The following ATG10 variants were observed in gnomAD, a reference collection of about 807,000 sequenced individuals.
ATG10 encodes the protein autophagy related 10, also known as ubiquitin-like-conjugating enzyme ATG10.
In ATG10, 30 loss-of-function variants were observed where a neutral mutation model predicts 32.1. The ratio of observed to expected loss-of-function variants is 0.94; its 90% CI spans 0.70 to 1.27. ATG10 has a LOEUF of 1.27. Ranked by LOEUF, ATG10 falls within the 50% of genes most tolerant of loss-of-function variation. The pLI is 0.00. For missense variants in ATG10, 233 were observed against 262.3 expected, an observed-to-expected ratio of 0.89 and a Z score of 0.77; for synonymous variants, 87 against 91.5, an observed-to-expected ratio of 0.95 and a Z score of 0.28.
chr5:82,052,237 G>A (rs1763452540), intron 2 of ATG10, among the ~76,000 whole-genome samples: 1 of 152,124 alleles, frequency 6.6e-6, no homozygotes, highest in African/African-American at 2.4e-5. Context: ...AGAAGATCTT[G>A]TTAAACTCAG....
chr5:82,170,433 T>G (rs532648155), intron 4 of ATG10, among the ~76,000 whole-genome samples: 6 of 152,246 alleles, frequency 3.9e-5, no homozygotes, highest in Admixed American at 3.9e-4. Context: ...AGTCTATATG[T>G]TAGGTGCTGT....
intron 5 of ATG10, among the ~76,000 whole-genome samples, chr5:82,230,318 T>C (rs969743726): frequency 7.9e-5 from 12 of 152,224 alleles, no homozygotes; most frequent in African/African-American, 2.4e-4. Context: ...GAGGGAAATG[T>C]GATCATACAA....
chr5:82,049,413 G>T (rs1465255192), intron 2 of ATG10, among the ~76,000 whole-genome samples: 4 of 124,088 alleles, frequency 3.2e-5, no homozygotes, highest in Admixed American at 1.7e-4. Context: ...GTGGGGGGAG[G>T]GGGGGAGGGA....
chr5:82,058,577 A>G lies in ATG10; in HGVS notation c.191A>G (p.His64Arg). ...SVMSHLGAST[H>R]GQTCLPMEEA... ...ATGTCACATCTAGGAGCATCTACCC[A>G]TGGACAGACATGTCTTCCCATGGAG... Residue 64 changes from histidine (H) to arginine (R), a missense_variant, in exon 3 of 8, where the codon CAT becomes CGT. Physicochemically the swap from His to Arg is conservative, Grantham distance 29. Coordinates refer to ENST00000282185, the MANE Select transcript of ATG10 (RefSeq NM_031482.5). 3.7e-6 allele frequency: 6 copies of G among 1,611,768 alleles called. 1 individual carries two copies. The South Asian group carries it at 5.5e-5, about 15-fold the overall frequency.
chr5:82,218,045 C>A (rs1227708963), intron 5 of ATG10, among the ~76,000 whole-genome samples: 1 of 95,292 alleles, frequency 1.0e-5, no homozygotes. Flanking sequence ...GAACACTGTT[C>A]TCTCTTTACA....
intron 2 of ATG10, among the ~76,000 whole-genome samples, chr5:82,025,896 T>C (rs543506160): frequency 3.9e-5 from 6 of 152,344 alleles, no homozygotes; most frequent in Admixed American, 1.3e-4. Flanking sequence ...TCAGTAATTT[T>C]ATTTTTTAAG....
intron 2 of ATG10, among the ~76,000 whole-genome samples, chr5:82,041,413 G>A (rs1763078247): frequency 6.6e-6 from 1 of 152,004 alleles, no homozygotes; most frequent in Non-Finnish European, 1.5e-5. Context: ...AAAATAACTA[G>A]GTTTTTGAGA....
At chr5:82,101,865 G>A (rs114221076) in intron 3 of ATG10, among the ~76,000 whole-genome samples, 1,788 of 152,252 alleles carry the variant, frequency 0.012, 19 homozygotes, top group African/African-American at 0.04. Context: ...CTTATAAGAG[G>A]TTTCGATAAA....
At chr5:82,218,235 A>G (rs918724543) in intron 5 of ATG10, among the ~76,000 whole-genome samples, 8 of 152,214 alleles carry the variant, frequency 5.3e-5, no homozygotes, top group African/African-American at 1.9e-4. Context: ...GTGGAAGTTT[A>G]TAGCCCCACA....
chr5:82,204,474 A>T (rs1745205148), intron 5 of ATG10, among the ~76,000 whole-genome samples: 1 of 152,222 alleles, frequency 6.6e-6, no homozygotes, highest in South Asian at 2.1e-4. Flanking sequence ...GGTTAGCAAG[A>T]TAGACATGGT....
chr5:82,081,257 G>A (rs1469579787), intron 3 of ATG10, among the ~76,000 whole-genome samples: 1 of 152,124 alleles, frequency 6.6e-6, no homozygotes, highest in Non-Finnish European at 1.5e-5. Context: ...GGAGATTTTG[G>A]GCTGAGATGA....
At chr5:82,023,065 T>A (rs1411866665) in intron 2 of ATG10, among the ~76,000 whole-genome samples, 1 of 149,918 alleles carries the variant, frequency 6.7e-6, no homozygotes, top group Non-Finnish European at 1.5e-5. Flanking sequence ...GCTCCCCCCC[T>A]GCCCCAGCAA....
intron 4 of ATG10, 89 bp from the exon 5 acceptor site, chr5:82,178,401 A>G: frequency 1.3e-6 from 1 of 777,572 alleles, no homozygotes; most frequent in Non-Finnish European, 2.3e-6. Context: ...TCTAAAAGTC[A>G]TGATATTCTT....
chr5:82,241,151 A>C (rs182780359), intron 5 of ATG10, among the ~76,000 whole-genome samples: 1 of 152,336 alleles, frequency 6.6e-6, no homozygotes, highest in African/African-American at 2.4e-5. Context: ...ATTCCACCTT[A>C]GTGTCATCCT....
chr5:81,986,731 A>G (rs1009028827), intron 1 of ATG10, among the ~76,000 whole-genome samples: 2 of 152,168 alleles, frequency 1.3e-5, no homozygotes, highest in Non-Finnish European at 2.9e-5. Context: ...AGCACCAAAG[A>G]TATAGAAACG....
intron 5 of ATG10, among the ~76,000 whole-genome samples, chr5:82,233,585 A>C (rs889942045): frequency 6.6e-6 from 1 of 152,220 alleles, no homozygotes; most frequent in Admixed American, 6.5e-5. Flanking sequence ...TTGCCAGCCC[A>C]TGGGACTATC....
At chr5:82,035,592 A>G (rs1762894676) in intron 2 of ATG10, among the ~76,000 whole-genome samples, 2 of 152,074 alleles carry the variant, frequency 1.3e-5, no homozygotes, top group Non-Finnish European at 2.9e-5. Flanking sequence ...ACATATTTTT[A>G]GATTTGCATT....
chr5:81,999,389 A>C (rs1176193712), intron 2 of ATG10, among the ~76,000 whole-genome samples: 1 of 152,180 alleles, frequency 6.6e-6, no homozygotes, highest in Non-Finnish European at 1.5e-5. Flanking sequence ...AGCAGTGATA[A>C]GAGGGAAGTT....
At chr5:82,185,486 G>C (rs1017136600) in intron 5 of ATG10, among the ~76,000 whole-genome samples, 1 of 152,162 alleles carries the variant, frequency 6.6e-6, no homozygotes, top group Non-Finnish European at 1.5e-5. Context: ...GGAGAAGCCT[G>C]TGCAGCACAC....
Sources: gnomAD v4.1 joint callset for allele counts (sites outside exome capture counted in the v4.1 genomes callset) on GRCh38, gnomAD v4.1.1 for gene constraint, MANE v1.5 for transcripts, NCBI Gene and HGNC (gene_info 2026-07-23, HGNC 2026-07-21) for gene names.